FBXO25: variants seen among roughly 807,000 people sequenced by gnomAD.
The protein encoded by FBXO25 is F-box protein 25.
A neutral mutation model predicts 51.9 loss-of-function variants in FBXO25; 45 were observed. The ratio of observed to expected loss-of-function variants is 0.87; its 90% CI spans 0.68 to 1.11. The LOEUF (loss-of-function observed/expected upper bound fraction) is 1.11. Among genes scored for constraint, FBXO25 ranks in the 50% most tolerant of loss-of-function variants. The pLI, the probability that FBXO25 is intolerant of heterozygous loss-of-function variation, is 0.00. For synonymous variants in FBXO25, 199 were observed against 151.0 expected, an observed-to-expected ratio of 1.32 and a Z score of -2.33; for missense variants, 507 against 428.5, an observed-to-expected ratio of 1.18 and a Z score of -1.62.
intron 2 of FBXO25, among the ~76,000 whole-genome samples, chr8:417,177 A>T (rs768323580): frequency 6.6e-6 from 1 of 152,222 alleles, no homozygotes; most frequent in Non-Finnish European, 1.5e-5. Flanking sequence ...ACTGGGTCCC[A>T]GCTGTGAAGT....
At chr8:428,321 T>G in intron 2 of FBXO25, among the ~76,000 whole-genome samples, 1 of 152,122 alleles carries the variant, frequency 6.6e-6, no homozygotes, top group East Asian at 1.9e-4. Context: ...GCTCCATCAT[T>G]CAGACATGTT....
chr8:447,323 C>G (rs1254251744), intron 5 of FBXO25, among the ~76,000 whole-genome samples: 1 of 152,024 alleles, frequency 6.6e-6, no homozygotes, highest in Admixed American at 6.5e-5. Context: ...TTCCCCCAAC[C>G]CTGAGGGCAT....
rs202143545 is a variant in FBXO25 at position 425,892 on chromosome 8, C to CTT, written c.135-5434_135-5433dup. Among the ~76,000 whole-genome samples, 94 of 139,474 alleles carry CTT rather than the reference C, an allele frequency of 6.7e-4. 1 individual carries two copies. The highest frequency in any genetic ancestry group is 3.7e-3 in the Middle Eastern group (1 of 268). 91.5% of individuals were successfully genotyped at this position (139,474 alleles called of 152,430 possible). A position where few individuals can be genotyped will look rare whatever the true frequency, so the allele number is the denominator to read the frequency against. ...GGTATTTAGGAGGGCTTTCTTCCTC[C>CTT]TTTTTTTTTTTTTTTTCCACTTTTA... On this transcript the variant is annotated intron_variant, in intron 2 of 9. Transcript: ENST00000350302.
chr8:455,527 C>A (rs1235533925), intron 7 of FBXO25, among the ~76,000 whole-genome samples: 2 of 152,188 alleles, frequency 1.3e-5, no homozygotes, highest in Non-Finnish European at 2.9e-5. Flanking sequence ...GCAGACTGGG[C>A]TCGAGGCTGG....
At chr8:416,312 C>T (rs1796800174) in intron 2 of FBXO25, among the ~76,000 whole-genome samples, 1 of 152,214 alleles carries the variant, frequency 6.6e-6, no homozygotes, top group African/African-American at 2.4e-5. Context: ...TCAAAACAAC[C>T]GGATCTCTTG....
At chr8:456,710 C>A (rs1333441492) in intron 7 of FBXO25, among the ~76,000 whole-genome samples, 1 of 152,144 alleles carries the variant, frequency 6.6e-6, no homozygotes, top group African/African-American at 2.4e-5. Context: ...TGTTGAGGCC[C>A]CACTCGTGTC....
At chr8:445,226 C>G (rs1798666234) in intron 5 of FBXO25, among the ~76,000 whole-genome samples, 2 of 152,184 alleles carry the variant, frequency 1.3e-5, no homozygotes, top group African/African-American at 4.8e-5. Context: ...ACTGACCGTG[C>G]TAAGCTAATC....
At chr8:433,205 A>G (rs1267649492) in intron 4 of FBXO25, among the ~76,000 whole-genome samples, 1 of 152,034 alleles carries the variant, frequency 6.6e-6, no homozygotes, top group Non-Finnish European at 1.5e-5. Context: ...TGTGTGGTAT[A>G]TATGGTGTGT....
In FBXO25 at chr8:475,801, A is replaced by G. The variant is rs1156846019; in HGVS notation, c.*6997A>G. ...AATTTTTTTTTGTATATGTATGGAC[A>G]CTAGGATTTTCTACATATAAGATCA... On this transcript the variant is annotated 3_prime_UTR_variant, in exon 10 of 10. Coordinates refer to ENST00000350302, the MANE Select transcript of FBXO25 (RefSeq NM_183420.2). The G allele has an allele frequency of 6.6e-6, 1 of 152,148 alleles. No individual in the cohort carries two copies. The highest frequency in any genetic ancestry group is 2.4e-5 in the African/African-American group (1 of 41,446). The allele number at this position is 152,148 out of a possible 1,614,324, so 9.4% of individuals were successfully genotyped here. A position where few individuals can be genotyped will look rare whatever the true frequency, so the allele number is the denominator to read the frequency against.
rs762979491 is a variant in FBXO25, at chr8:473,607, C to G, written c.*4803C>G. The G allele has an allele frequency of 1.3e-5, 2 of 152,230 alleles. No homozygotes were observed. The highest frequency in any genetic ancestry group is 2.9e-5 in the Non-Finnish European group (2 of 68,110). 9.4% of individuals were successfully genotyped at this position (152,230 alleles called of 1,614,324 possible). On this transcript the variant is annotated 3_prime_UTR_variant, in exon 10 of 10. Coordinates refer to ENST00000350302, the MANE Select transcript of FBXO25 (RefSeq NM_183420.2). ...CTCAAATCCACAGAGTGACAAAGAA[C>G]AGAGATGCCCAGAGCACCAGCTGGA...
intron 2 of FBXO25, among the ~76,000 whole-genome samples, chr8:429,575 G>T (rs1009352200): frequency 1.4e-4 from 22 of 152,130 alleles, no homozygotes; most frequent in Non-Finnish European, 2.9e-4. Context: ...TTAATGTGTC[G>T]AATTTAAATT....
At chr8:411,773 C>T (rs1029501294) in intron 1 of FBXO25, among the ~76,000 whole-genome samples, 2 of 151,944 alleles carry the variant, frequency 1.3e-5, no homozygotes, top group South Asian at 2.1e-4. Context: ...AGCAGAAGGG[C>T]GCTGTTTGGA....
intron 5 of FBXO25, among the ~76,000 whole-genome samples, chr8:448,168 A>C (rs1043095729): frequency 1.3e-5 from 2 of 152,228 alleles, no homozygotes; most frequent in African/African-American, 4.8e-5. Context: ...CAGGAAAACA[A>C]AACAAAAGGA....
At chr8:439,082 G>A (rs1331079422) in intron 5 of FBXO25, among the ~76,000 whole-genome samples, 3 of 152,250 alleles carry the variant, frequency 2.0e-5, no homozygotes, top group East Asian at 1.9e-4. Flanking sequence ...CAGGACAGCT[G>A]TAAACACAGA....
At chr8:419,751 G>T (rs1195827817) in intron 2 of FBXO25, among the ~76,000 whole-genome samples, 1 of 152,110 alleles carries the variant, frequency 6.6e-6, no homozygotes, top group Non-Finnish European at 1.5e-5. Flanking sequence ...CTTGGGCAGA[G>T]TTTTTAGATA....
At chr8:431,942 G>A (rs1180969148) in intron 3 of FBXO25, among the ~76,000 whole-genome samples, 2 of 152,112 alleles carry the variant, frequency 1.3e-5, no homozygotes, top group Non-Finnish European at 2.9e-5. Context: ...CTTACCTCAG[G>A]GGATAGACCT....
chr8:408,931 G>C (rs1796328818), intron 1 of FBXO25, among the ~76,000 whole-genome samples: 1 of 152,100 alleles, frequency 6.6e-6, no homozygotes, highest in Non-Finnish European at 1.5e-5. Flanking sequence ...GTAATTTCTA[G>C]TTTTTTTGTG....
At chr8:442,674 G>A (rs549414598) in intron 5 of FBXO25, among the ~76,000 whole-genome samples, 28 of 152,074 alleles carry the variant, frequency 1.8e-4, no homozygotes, top group African/African-American at 5.8e-4. Context: ...TTTGCCGTAT[G>A]GGTCAGGCTG....
At chr8:458,790 C>T (rs1799619578) in intron 8 of FBXO25, among the ~76,000 whole-genome samples, 1 of 152,312 alleles carries the variant, frequency 6.6e-6, no homozygotes, top group East Asian at 1.9e-4. Flanking sequence ...AACAGCAAAG[C>T]AAGAACTGAG....
Sources: allele counts gnomAD v4.1 joint callset (sites outside exome capture counted in the v4.1 genomes callset), GRCh38; gene constraint gnomAD v4.1.1; transcripts MANE v1.5; gene names NCBI Gene and HGNC (gene_info 2026-07-23, HGNC 2026-07-21).